DPP8: variants seen among roughly 807,000 people sequenced by gnomAD.
The protein encoded by DPP8 is DPP VIII.
A neutral mutation model predicts 107.5 loss-of-function variants in DPP8; 31 were observed. That is an observed-to-expected ratio of 0.29 (90% CI 0.22 to 0.39). The LOEUF is 0.39. Among genes scored for constraint, DPP8 ranks in the 10% least tolerant of loss-of-function variants. The probability of loss-of-function intolerance (pLI) is 1.00; values close to 1 mark genes in which losing one functional copy is unlikely to be tolerated. For missense variants in DPP8, 842 were observed against 1,076.1 expected (o/e 0.78, Z 3.04); for synonymous variants, 381 against 356.6 (o/e 1.07, Z -0.77).
chr15:65,457,773 T>C (rs2064555126), intron 15 of DPP8, among the ~76,000 whole-genome samples: 1 of 151,920 alleles, frequency 6.6e-6, no homozygotes, highest in South Asian at 2.1e-4. Context: ...AAGAGGGCGT[T>C]TGGTGAGTAA....
rs181944456 is a variant in DPP8, at chr15:65,457,131, G to T, written c.1972-760C>A. Among the ~76,000 whole-genome samples the T allele has an allele frequency of 1.2e-3, 188 of 152,288 alleles. 2 individuals are homozygous for T. Among genetic ancestry groups the T allele is most frequent in the Non-Finnish European group, 1.6e-3 (112 of 68,026 alleles). On this transcript the variant is annotated intron_variant, in intron 15 of 19. Transcript: ENST00000300141. ...GCACTTTGGGAGGCTGAAGCGGGTG[G>T]ATCACCTGAGGTCAGGAGTTCGAGA... is the stretch of plus-strand genomic sequence containing the variant.
chr15:65,456,232 T>C lies in DPP8; in HGVS notation c.2111A>G (p.Tyr704Cys), dbSNP rs1451623202. ...RGLKFEGAFKYKMGQIEIDDQ... is the reference protein window; with the variant it reads ...RGLKFEGAFKCKMGQIEIDDQ... Reference sequence around the variant, plus strand: ...TGTTTTATGCTCACACACCATTTTATATTTAAAGGCGCCTTCAAATTTAAG... The same window carrying C: ...TGTTTTATGCTCACACACCATTTTACATTTAAAGGCGCCTTCAAATTTAAG... The change falls in exon 16 of 20, where the codon TAT becomes TGT. Residue 704 changes from tyrosine to cysteine, a missense_variant. This residue lies in a region of DPP8 where 179 missense variants were observed against 318.0 expected (regional missense o/e 0.56). Coordinates refer to ENST00000300141, the MANE Select transcript of DPP8 (RefSeq NM_130434.5). The C allele has an allele frequency of 2.5e-6, 4 of 1,606,738 alleles. No individual in the cohort carries two copies. In the African/African-American group the frequency reaches 5.4e-5, roughly 22 times the overall value.
chr15:65,482,618 GT>G (rs1412403537), intron 8 of DPP8, among the ~76,000 whole-genome samples: 1 of 152,044 alleles, frequency 6.6e-6, no homozygotes, highest in Admixed American at 6.6e-5. Flanking sequence ...GATAAGCAAA[GT>G]TTTTTCTTTT....
At position 65,445,414 on chromosome 15, in the gene DPP8, G is replaced by A. The variant is rs182316752; in HGVS notation, c.*1470C>T. ...CACTGGTGTCAATGTGACCAATCTA[G>A]CACCCCAAGACTCTAACAGGGCAGA... On this transcript the variant is annotated 3_prime_UTR_variant, in exon 20 of 20. Transcript: ENST00000300141. The A allele has an allele frequency of 6.5e-6, 1 of 152,740 alleles. No individual in the cohort carries two copies. The highest frequency in any genetic ancestry group is 1.9e-4 in the East Asian group (1 of 5,180). The allele number at this position is 152,740 out of a possible 1,614,324, so 9.5% of individuals were successfully genotyped here. A position where few individuals can be genotyped will look rare whatever the true frequency, so the allele number is the denominator to read the frequency against.
In DPP8 at chr15:65,481,615, T is replaced by A; in HGVS notation, c.1018A>T (p.Ile340Phe). ...AGTTCCTTATCTATGACATCTATGA[T>A]CTATTAAAAAAGAAAAAAAAAGAAT... ...SEIMIDAEGR[I>F]IDVIDKELIQ... The change falls in exon 9 of 20, where the codon ATC becomes TTC. Residue 340 changes from isoleucine (I) to phenylalanine (F), a missense_variant and splice_region_variant. By Grantham distance (21) the Ile-to-Phe change is conservative. Transcript: ENST00000300141. 1 of 1,433,016 alleles carries A rather than the reference T, an allele frequency of 7.0e-7. No homozygotes were observed. The highest frequency in any genetic ancestry group is 2.5e-5 in the East Asian group (1 of 40,658). The allele number at this position is 1,433,016 out of a possible 1,614,324, so 88.8% of individuals were successfully genotyped here. A position where few individuals can be genotyped will look rare whatever the true frequency, so the allele number is the denominator to read the frequency against.
At chr15:65,478,338 A>G (rs929089565) in intron 11 of DPP8, among the ~76,000 whole-genome samples, 11 of 152,174 alleles carry the variant, frequency 7.2e-5, no homozygotes, top group African/African-American at 2.7e-4. Context: ...GGCTCACTGC[A>G]ATCTCCGCCT....
At position 65,498,659 on chromosome 15, in the gene DPP8, A is replaced by G. The variant is rs561461589; in HGVS notation, c.547-627T>C. 3.9e-5 allele frequency among the ~76,000 whole-genome samples: 6 copies of G among 152,280 alleles called. No individual in the cohort carries two copies. The East Asian group carries it at 5.8e-4, about 15-fold the overall frequency. Reference sequence around the variant, plus strand: ...TTGTTATTAAACACTTATTCACTCAATATTTTATTAAATATTTTAAAATTA... The same window carrying G: ...TTGTTATTAAACACTTATTCACTCAGTATTTTATTAAATATTTTAAAATTA... On this transcript the variant is annotated intron_variant, in intron 4 of 19. Transcript: ENST00000300141.
Position 65,444,272 on chromosome 15 carries a change from G to A in DPP8, c.*2612C>T, listed in dbSNP as rs1400680823. On this transcript the variant is annotated 3_prime_UTR_variant, in exon 20 of 20. Transcript: ENST00000300141. ...TCAAAACTCTACATTTCTTTTAGAAGTATCCCAGATGAATCTTAGATTTTG... is the reference window on the plus strand; with the variant it reads ...TCAAAACTCTACATTTCTTTTAGAAATATCCCAGATGAATCTTAGATTTTG... 1 of 152,180 alleles carries A rather than the reference G, an allele frequency of 6.6e-6. No individual in the cohort carries two copies. Among genetic ancestry groups the A allele is most frequent in the Non-Finnish European group, 1.5e-5 (1 of 68,038 alleles). 9.4% of individuals were successfully genotyped at this position (152,180 alleles called of 1,614,324 possible). A position where few individuals can be genotyped will look rare whatever the true frequency, so the allele number is the denominator to read the frequency against.
Position 65,480,256 on chromosome 15 carries a change from A to G in DPP8, c.1262T>C (p.Ile421Thr), listed in dbSNP as rs2066796055. ...ESVPDSVTPLIIYEETTDIWI... is the reference protein window; with the variant it reads ...ESVPDSVTPLTIYEETTDIWI... ...GATGTCTGTTGTTTCTTCATAGATAATTAGTGGCGTCACAGAATCAGGCAC... is the reference window on the plus strand; with the variant it reads ...GATGTCTGTTGTTTCTTCATAGATAGTTAGTGGCGTCACAGAATCAGGCAC... The change falls in exon 10 of 20, where the codon ATT (isoleucine) becomes ACT (threonine). Residue 421 changes from isoleucine to threonine, a missense_variant. By Grantham distance (89) the Ile-to-Thr change is moderately conservative (BLOSUM62 -1). This residue lies in a region of DPP8 where 663 missense variants were observed against 758.0 expected (regional missense o/e 0.87). Transcript: ENST00000300141. 2.5e-6 allele frequency: 4 copies of G among 1,613,618 alleles called. No individual in the cohort carries two copies. The Admixed American group carries it at 6.7e-5, about 27-fold the overall frequency.
chr15:65,473,430 G>A (rs74935525), intron 12 of DPP8, among the ~76,000 whole-genome samples: 2 of 152,096 alleles, frequency 1.3e-5, no homozygotes, highest in African/African-American at 4.8e-5. Flanking sequence ...GTAGGGGCAA[G>A]TAGTAGATAG....
chr15:65,500,022 AGT>A (rs2069039698), intron 4 of DPP8, among the ~76,000 whole-genome samples: 1 of 152,090 alleles, frequency 6.6e-6, no homozygotes, highest in Non-Finnish European at 1.5e-5. Flanking sequence ...CAGACTCCTG[AGT>A]ATCTGGGATT....
intron 12 of DPP8, among the ~76,000 whole-genome samples, chr15:65,470,561 G>A (rs569241564): frequency 4.9e-5 from 7 of 143,018 alleles, no homozygotes; most frequent in South Asian, 4.4e-4. Context: ...AGCCAACATC[G>A]CACCATTGCA....
At chr15:65,474,068 C>A (rs992100091) in intron 12 of DPP8, 141 bp downstream of exon 12, 2 of 632,852 alleles carry the variant, frequency 3.2e-6, no homozygotes, top group South Asian at 3.6e-5. Flanking sequence ...CACCCCATTG[C>A]ACTCCAGCCC....
At chr15:65,485,195 T>C in intron 7 of DPP8, 35 bp from the exon 8 acceptor site, 1 of 1,478,848 alleles carries the variant, frequency 6.8e-7, no homozygotes, top group Non-Finnish European at 9.4e-7. Context: ...GTAATGTTTA[T>C]CCAAAATTAC....
chr15:65,475,387 G>A lies in DPP8; in HGVS notation c.1457-1099C>T, dbSNP rs567595663. On this transcript the variant is annotated intron_variant, in intron 11 of 19. Transcript: ENST00000300141. ...TGGAGGAACAGGAGAACTGGCTCTT[G>A]GCCACTGTGAGGGGTACAGCTTTGC... 141 of 1,516,830 alleles carry A rather than the reference G, an allele frequency of 9.3e-5. No individual in the cohort carries two copies. The African/African-American group carries it at 1.8e-3, about 19-fold the overall frequency. The allele number at this position is 1,516,830 out of a possible 1,614,324, so 94.0% of individuals were successfully genotyped here.
chr15:65,514,203 G>T (rs74021116), intron 1 of DPP8, among the ~76,000 whole-genome samples: 17 of 152,272 alleles, frequency 1.1e-4, no homozygotes, highest in Middle Eastern at 3.4e-3. Context: ...TCATGCTACA[G>T]TTACCTATGT....
intron 5 of DPP8, among the ~76,000 whole-genome samples, chr15:65,494,147 T>A (rs1056767216): frequency 2.8e-5 from 2 of 70,414 alleles, no homozygotes; most frequent in Non-Finnish European, 5.7e-5. Flanking sequence ...CGGTTCTATA[T>A]CCTTTTTTTT....
intron 6 of DPP8, among the ~76,000 whole-genome samples, chr15:65,488,351 G>T (rs1351989270): frequency 6.6e-6 from 1 of 151,850 alleles, no homozygotes; most frequent in African/African-American, 2.4e-5. Flanking sequence ...CCATGAGTAG[G>T]TCATGAAATC....
intron 4 of DPP8, among the ~76,000 whole-genome samples, chr15:65,498,896 A>T (rs535504179): frequency 6.7e-4 from 102 of 152,064 alleles, no homozygotes; most frequent in African/African-American, 2.0e-3. Context: ...TCTAAAAAAA[A>T]TTTTTTAAAT....
Sources: gnomAD v4.1 joint callset for allele counts (sites outside exome capture counted in the v4.1 genomes callset) on GRCh38, gnomAD v4.1.1 for gene constraint, gnomAD v4.1.1 regional missense constraint, MANE v1.5 for transcripts, NCBI Gene and HGNC (gene_info 2026-07-23, HGNC 2026-07-21) for gene names.